ELOVL6: variants seen among roughly 807,000 people sequenced by gnomAD.
ELOVL6 encodes the protein very long chain fatty acid elongase 6.
In ELOVL6, 8 loss-of-function variants were observed where a neutral mutation model predicts 31.7. That is an observed-to-expected ratio of 0.25 (90% CI 0.15 to 0.45). ELOVL6 has a LOEUF of 0.45. Among genes scored for constraint, ELOVL6 ranks in the 20% least tolerant of loss-of-function variants. The pLI is 1.00. For missense variants in ELOVL6, 126 were observed against 326.4 expected (o/e 0.39, Z 4.73); for synonymous variants, 101 against 117.7 (o/e 0.86, Z 0.92).
At chr4:110,060,705 C>G (rs1246471144) in intron 2 of ELOVL6, among the ~76,000 whole-genome samples, 2 of 152,090 alleles carry the variant, frequency 1.3e-5, no homozygotes, top group Non-Finnish European at 2.9e-5. Flanking sequence ...GTGAACCATG[C>G]CCGGGACTGA....
chr4:110,132,444 C>T (rs986343098), intron 1 of ELOVL6, among the ~76,000 whole-genome samples: 15 of 151,870 alleles, frequency 9.9e-5, no homozygotes, highest in Middle Eastern at 3.2e-3. Context: ...GTCTTGGCAG[C>T]TGATTTAATA....
chr4:110,090,606 T>TGTTTTTTTTGTTTTTTG, intron 2 of ELOVL6, among the ~76,000 whole-genome samples: 1 of 139,930 alleles, frequency 7.1e-6, no homozygotes, highest in African/African-American at 2.8e-5. Context: ...CTTTCTTTTT[T>TGTTTTTTTTGTTTTTTG]TTTTTTTTTT....
chr4:110,084,584 A>ATTTTTT (rs1756181593), intron 2 of ELOVL6, among the ~76,000 whole-genome samples: 3 of 54,886 alleles, frequency 5.5e-5, no homozygotes, highest in African/African-American at 1.4e-4. Context: ...ATATATATAT[A>ATTTTTT]TATATTTTTT....
chr4:110,149,238 A>G (rs78698019), intron 1 of ELOVL6, among the ~76,000 whole-genome samples: 3,928 of 152,292 alleles, frequency 0.026, 174 homozygotes, highest in African/African-American at 0.09. Context: ...TTCGAGAACT[A>G]AAAATACGAC....
At position 110,083,904 on chromosome 4, in the gene ELOVL6, T is replaced by C. The variant is rs868505664; in HGVS notation, c.221+21593A>G. 4.1e-4 allele frequency among the ~76,000 whole-genome samples: 20 copies of C among 48,682 alleles called. 1 individual carries two copies. The highest frequency in any genetic ancestry group is 1.3e-3 in the African/African-American group (16 of 12,770). The allele number at this position is 48,682 out of a possible 152,430, so 31.9% of individuals were successfully genotyped here. A position where few individuals can be genotyped will look rare whatever the true frequency, so the allele number is the denominator to read the frequency against. On this transcript the variant is annotated intron_variant, in intron 2 of 3. Transcript: ENST00000302274. Reference sequence around the variant, plus strand: ...GTGATATATATAGATAATATATATATACACATAGAGAGAGAGATAATATAT... The same window carrying C: ...GTGATATATATAGATAATATATATACACACATAGAGAGAGAGATAATATAT...
intron 1 of ELOVL6, among the ~76,000 whole-genome samples, chr4:110,158,552 G>C (rs1233855347): frequency 7.4e-6 from 1 of 134,234 alleles, no homozygotes; most frequent in Non-Finnish European, 1.7e-5. Flanking sequence ...CAAGATATTG[G>C]AGAGAGATAT....
chr4:110,084,135 A>ATATGATATATATATAACATATATG (rs1553955997), intron 2 of ELOVL6, among the ~76,000 whole-genome samples: 3 of 35,296 alleles, frequency 8.5e-5, no homozygotes, highest in Non-Finnish European at 1.2e-4. Flanking sequence ...ATATGTGATA[A>ATATGATATATATATAACATATATG]TGATATATAT....
chr4:110,069,321 C>CTTTT (rs78751386), intron 2 of ELOVL6, among the ~76,000 whole-genome samples: 1 of 147,810 alleles, frequency 6.8e-6, no homozygotes, highest in Non-Finnish European at 1.5e-5. Flanking sequence ...CTTAAGCTAC[C>CTTTT]TTTTTTTTTT....
chr4:110,198,229 G>A lies in ELOVL6; in HGVS notation c.89+18C>T. The A allele has an allele frequency of 6.7e-7, 1 of 1,494,016 alleles. No individual in the cohort carries two copies. Among genetic ancestry groups the A allele is most frequent in the Non-Finnish European group, 9.3e-7 (1 of 1,070,576 alleles). 92.5% of individuals were successfully genotyped at this position (1,494,016 alleles called of 1,614,324 possible). ...CGCAGGGCTCCCGGGAACAGTATCA[G>A]GCGAAAGCATCACGTACCAGTTTTC... On this transcript the variant is annotated intron_variant, in intron 1 of 3. Transcript: ENST00000302274.
At chr4:110,189,324 C>T (rs77009514) in intron 1 of ELOVL6, among the ~76,000 whole-genome samples, 3,953 of 151,916 alleles carry the variant, frequency 0.026, 193 homozygotes, top group African/African-American at 0.091. Context: ...CAGTGGCTCA[C>T]GCCTGTAGTC....
chr4:110,128,204 G>A (rs1034723254), intron 1 of ELOVL6, among the ~76,000 whole-genome samples: 3 of 152,144 alleles, frequency 2.0e-5, no homozygotes, highest in Admixed American at 2.0e-4. Context: ...AGAGCCAGAG[G>A]CATGAGAGAG....
At chr4:110,157,817 T>C (rs1459680306) in intron 1 of ELOVL6, among the ~76,000 whole-genome samples, 1 of 152,260 alleles carries the variant, frequency 6.6e-6, no homozygotes, top group Non-Finnish European at 1.5e-5. Flanking sequence ...ACTACACATG[T>C]TGAAATAGCC....
intron 1 of ELOVL6, among the ~76,000 whole-genome samples, chr4:110,185,935 T>C (rs560701280): frequency 6.6e-6 from 1 of 152,278 alleles, no homozygotes; most frequent in Admixed American, 6.5e-5. Flanking sequence ...CTCACACCTG[T>C]AATCCCAGCA....
At chr4:110,188,864 G>A (rs935327792) in intron 1 of ELOVL6, among the ~76,000 whole-genome samples, 6 of 150,624 alleles carry the variant, frequency 4.0e-5, no homozygotes, top group Admixed American at 3.3e-4. Context: ...GCACTCCACT[G>A]GGCAACAAGA....
chr4:110,132,107 A>G (rs1352585028), intron 1 of ELOVL6, among the ~76,000 whole-genome samples: 1 of 152,146 alleles, frequency 6.6e-6, no homozygotes, highest in Non-Finnish European at 1.5e-5. Context: ...TTGTATCTTG[A>G]ATGACTTTTA....
At chr4:110,141,272 A>G (rs143623168) in intron 1 of ELOVL6, among the ~76,000 whole-genome samples, 1,910 of 152,250 alleles carry the variant, frequency 0.013, 32 homozygotes, top group African/African-American at 0.043. Flanking sequence ...CATGTTGGTC[A>G]GGCTGGTCTC....
At chr4:110,156,508 A>G (rs1024443113) in intron 1 of ELOVL6, among the ~76,000 whole-genome samples, 1 of 152,136 alleles carries the variant, frequency 6.6e-6, no homozygotes, top group Non-Finnish European at 1.5e-5. Context: ...GAACCTAGAG[A>G]GACCCCGTCT....
chr4:110,187,763 G>A (rs2126280550), intron 1 of ELOVL6, among the ~76,000 whole-genome samples: 1 of 151,872 alleles, frequency 6.6e-6, no homozygotes, highest in Middle Eastern at 3.4e-3. Context: ...CTGGCACATA[G>A]TAGGGAACCC....
chr4:110,047,552 G>A lies in ELOVL6; in HGVS notation c.*3786C>T, dbSNP rs1754724104. On this transcript the variant is annotated 3_prime_UTR_variant, in exon 4 of 4. Transcript: ENST00000302274. ...TGTACTCCAGGAGCTTTGTTACTCT[G>A]ATGTGACAGGCTTTACCTTATGAAG... 6.6e-6 allele frequency: 1 copy of A among 152,174 alleles called. No individual in the cohort carries two copies. The highest frequency in any genetic ancestry group is 2.4e-5 in the African/African-American group (1 of 41,432). 9.4% of individuals were successfully genotyped at this position (152,174 alleles called of 1,614,324 possible).
Sources: gnomAD v4.1 joint callset for allele counts (sites outside exome capture counted in the v4.1 genomes callset) on GRCh38, gnomAD v4.1.1 for gene constraint, MANE v1.5 for transcripts, NCBI Gene and HGNC (gene_info 2026-07-23, HGNC 2026-07-21) for gene names.